TPR: variants seen among roughly 807,000 people sequenced by gnomAD.
TPR encodes the protein translocated promoter region, nuclear basket protein, also known as nucleoprotein TPR.
A neutral mutation model predicts 316.1 loss-of-function variants in TPR; 51 were observed. That is an observed-to-expected ratio of 0.16 (90% confidence interval 0.13 to 0.20). The LOEUF (loss-of-function observed/expected upper bound fraction) is 0.20. TPR is among the 10% of genes least tolerant of loss of function. The pLI, the probability that TPR is intolerant of heterozygous loss-of-function variation, is 1.00. For missense variants in TPR, 2,272 were observed against 2,754.8 expected, an observed-to-expected ratio of 0.82 and a Z score of 3.92; for synonymous variants, 981 against 914.7, an observed-to-expected ratio of 1.07 and a Z score of -1.31.
Position 186,312,109 on chromosome 1 carries a change from T to A in TPR, c.*1862A>T, listed in dbSNP as rs534046993. The A allele has an allele frequency of 7.0e-7, 1 of 1,428,878 alleles. No individual in the cohort carries two copies. Among genetic ancestry groups the A allele is most frequent in the Non-Finnish European group, 9.8e-7 (1 of 1,018,294 alleles). The allele number at this position is 1,428,878 out of a possible 1,614,324, so 88.5% of individuals were successfully genotyped here. ...TTTCCTATACATTGTAAAAGTTGTT[T>A]TCCACCTTTTCTGAGGGTATTAAAA... On this transcript the variant is annotated 3_prime_UTR_variant, in exon 51 of 51. Coordinates refer to ENST00000367478, the MANE Select transcript of TPR (RefSeq NM_003292.3).
chr1:186,347,232 A>T, intron 22 of TPR, 60 bp downstream of exon 22: 1 of 1,575,438 alleles, frequency 6.3e-7, no homozygotes. Context: ...TCCTCTAGTT[A>T]CTAAAAACAA....
rs776241531 is a variant in TPR at position 186,327,514 on chromosome 1, T to C, written c.5835A>G (p.Val1945=). Reference sequence around the variant, plus strand: ...CCTCTTCTTCATCATCACTGTCAATTACAATGACATCATCTCCTTTGCCTT... The same window carrying C: ...CCTCTTCTTCATCATCACTGTCAATCACAATGACATCATCTCCTTTGCCTT... ...DGQGKGDDVI[V]IDSDDEEEDD... Residue 1945 remains valine, a synonymous_variant, in exon 40 of 51, where the codon GTA becomes GTG. Transcript: ENST00000367478. 2 of 1,611,036 alleles carry C rather than the reference T, an allele frequency of 1.2e-6. No homozygotes were observed. The highest frequency in any genetic ancestry group is 4.5e-5 in the East Asian group (2 of 44,654).
chr1:186,334,975 T>C, intron 35 of TPR, 93 bp downstream of exon 35: 1 of 1,287,296 alleles, frequency 7.8e-7, no homozygotes, highest in Non-Finnish European at 1.1e-6. Flanking sequence ...TACAATAGAA[T>C]ACACAGATTT....
At chr1:186,332,585 C>A (rs1658198987) in intron 37 of TPR, among the ~76,000 whole-genome samples, 1 of 152,102 alleles carries the variant, frequency 6.6e-6, no homozygotes, top group African/African-American at 2.4e-5. Context: ...CCAACCCAAG[C>A]TTTGCTTAAT....
chr1:186,341,561 C>T (rs1658506489), intron 27 of TPR, 172 bp from the exon 28 acceptor site: 1 of 590,368 alleles, frequency 1.7e-6, no homozygotes. Context: ...ATGCGAACTG[C>T]AGACTTTAAA....
intron 32 of TPR, 85 bp from the exon 33 acceptor site, chr1:186,336,779 T>C (rs940161736): frequency 2.7e-5 from 38 of 1,433,118 alleles, no homozygotes; most frequent in Non-Finnish European, 3.4e-5. Context: ...GTATAACTTA[T>C]TAATTTGCTT....
chr1:186,368,729 C>G (rs1558040449), intron 3 of TPR, among the ~76,000 whole-genome samples: 4 of 152,206 alleles, frequency 2.6e-5, no homozygotes, highest in African/African-American at 7.2e-5. Context: ...TTTTAATATT[C>G]TTGTTTCCTG....
chr1:186,373,518 G>T, intron 1 of TPR, 55 bp from the exon 2 acceptor site: 2 of 1,004,884 alleles, frequency 2.0e-6, no homozygotes, highest in Non-Finnish European at 1.5e-6. Flanking sequence ...TACATACATT[G>T]TGAATACTGT....
chr1:186,339,580 T>C lies in TPR; in HGVS notation c.4151+62A>G, dbSNP rs1658445464. 6.7e-6 allele frequency: 9 copies of C among 1,342,852 alleles called. No individual in the cohort carries two copies. The East Asian group carries it at 8.4e-5, about 13-fold the overall frequency. The allele number at this position is 1,342,852 out of a possible 1,614,324, so 83.2% of individuals were successfully genotyped here. A position where few individuals can be genotyped will look rare whatever the true frequency, so the allele number is the denominator to read the frequency against. ...CAGGAGGCAGGCACTTGGGGAGTCATGTAAATAAGTAAAATAAACTTCTTT... is the reference window on the plus strand; with the variant it reads ...CAGGAGGCAGGCACTTGGGGAGTCACGTAAATAAGTAAAATAAACTTCTTT... On this transcript the variant is annotated intron_variant, in intron 30 of 50. Transcript: ENST00000367478.
At chr1:186,347,000 C>T (rs1658698205) in intron 22 of TPR, among the ~76,000 whole-genome samples, 1 of 152,182 alleles carries the variant, frequency 6.6e-6, no homozygotes, top group Admixed American at 6.5e-5. Context: ...TGCACAAATG[C>T]CATCTCTCTT....
chr1:186,353,931 AC>A, intron 17 of TPR, 81 bp from the exon 18 acceptor site: 1 of 1,326,616 alleles, frequency 7.5e-7, no homozygotes, highest in South Asian at 1.4e-5. Context: ...CAATAGCTTA[AC>A]CCATTTCCCC....
At chr1:186,357,374 A>G in intron 14 of TPR, 23 bp downstream of exon 14, 1 of 1,608,714 alleles carries the variant, frequency 6.2e-7, no homozygotes, top group Non-Finnish European at 8.5e-7. Context: ...TTGCTCAACA[A>G]GCTGAGGTAT....
Position 186,323,845 on chromosome 1 carries a change from T to G in TPR, c.6138A>C (p.Glu2046Asp). 1 of 1,548,332 alleles carries G rather than the reference T, an allele frequency of 6.5e-7. No homozygotes were observed. The highest frequency in any genetic ancestry group is 8.6e-7 in the Non-Finnish European group (1 of 1,156,776). ...NSGEGNTGAA[E>D]SSFSQEVSRE... ...TAGAAACCTCCTGAGAAAAAGAAGA[T>G]TCTGCAGCACCTGTATTTCCTTCAC... Residue 2046 changes from glutamate to aspartate, a missense_variant, in exon 43 of 51, where the codon GAA (glutamate) becomes GAC (aspartate). Transcript: ENST00000367478.
At position 186,322,308 on chromosome 1, in the gene TPR, A is replaced by C; in HGVS notation, c.6461+10T>G. 1.9e-6 allele frequency: 3 copies of C among 1,601,174 alleles called. No homozygotes were observed. The highest frequency in any genetic ancestry group is 2.6e-6 in the Non-Finnish European group (3 of 1,175,842). On this transcript the variant is annotated intron_variant, in intron 45 of 50. Transcript: ENST00000367478. ...TAGTTATAAAGTATGTTTCTCTTTC[A>C]TTAACTTACTGAATTGCTTCAGCAA...
At chr1:186,360,732 T>G in intron 10 of TPR, 33 bp downstream of exon 10, 1 of 1,610,464 alleles carries the variant, frequency 6.2e-7, no homozygotes, top group Non-Finnish European at 8.5e-7. Flanking sequence ...GCTGTAGTAT[T>G]TCAACTCACT....
chr1:186,346,720 T>G (rs1658691540), intron 22 of TPR, among the ~76,000 whole-genome samples: 1 of 152,244 alleles, frequency 6.6e-6, no homozygotes, highest in Non-Finnish European at 1.5e-5. Flanking sequence ...TCTACCACAT[T>G]AATTTTCTAA....
intron 39 of TPR, among the ~76,000 whole-genome samples, chr1:186,327,959 A>G (rs963843589): frequency 5.3e-5 from 8 of 151,870 alleles, no homozygotes; most frequent in African/African-American, 1.9e-4. Context: ...AATTTTTTGT[A>G]TTTTTATTAG....
chr1:186,356,142 A>G (rs1659022400), intron 15 of TPR, 144 bp downstream of exon 15: 9 of 683,094 alleles, frequency 1.3e-5, no homozygotes, highest in Non-Finnish European at 2.1e-5. Context: ...TATGTTTTAC[A>G]GTTGATGGGA....
At chr1:186,357,671 C>A in intron 13 of TPR, 48 bp from the exon 14 acceptor site, 1 of 1,521,876 alleles carries the variant, frequency 6.6e-7, no homozygotes, top group South Asian at 1.2e-5. Flanking sequence ...AGTTACAATT[C>A]TGGACAAGTT....
Sources: gnomAD v4.1 joint callset for allele counts (sites outside exome capture counted in the v4.1 genomes callset) on GRCh38, gnomAD v4.1.1 for gene constraint, MANE v1.5 for transcripts, NCBI Gene and HGNC (gene_info 2026-07-23, HGNC 2026-07-21) for gene names.